Variants in USP32 observed in about 807,000 individuals in gnomAD.
USP32 encodes the protein ubiquitin carboxyl-terminal hydrolase 32.
A neutral mutation model predicts 204.8 loss-of-function variants in USP32; 59 were observed. That is an observed-to-expected ratio of 0.29 (90% CI 0.23 to 0.36). The LOEUF (loss-of-function observed/expected upper bound fraction) is 0.36. Ranked by LOEUF, USP32 falls within the 10% of genes least tolerant of loss-of-function variation. The probability of loss-of-function intolerance (pLI) is 1.00; values close to 1 mark genes in which losing one functional copy is unlikely to be tolerated. For synonymous variants in USP32, 517 were observed against 678.4 expected, an observed-to-expected ratio of 0.76 and a Z score of 3.70; for missense variants, 1,160 against 1,946.4, an observed-to-expected ratio of 0.60 and a Z score of 7.60.
At chr17:60,345,332 A>C in intron 2 of USP32, 149 bp downstream of exon 2, 1 of 1,095,820 alleles carries the variant, frequency 9.1e-7, no homozygotes, top group Non-Finnish European at 1.3e-6. Flanking sequence ...AGCCACGTTG[A>C]CATCTAAAAC....
intron 1 of USP32, among the ~76,000 whole-genome samples, chr17:60,370,264 A>G (rs1016592225): frequency 6.6e-6 from 1 of 152,132 alleles, no homozygotes; most frequent in African/African-American, 2.4e-5. Context: ...GATGACAACA[A>G]CAAAGGACAA....
At chr17:60,184,011 G>T (rs2084182562) in intron 30 of USP32, among the ~76,000 whole-genome samples, 1 of 152,054 alleles carries the variant, frequency 6.6e-6, no homozygotes, top group Non-Finnish European at 1.5e-5. Flanking sequence ...CGTCAGCCGG[G>T]CGCAGTGGCT....
chr17:60,236,033 A>G (rs895758613), intron 12 of USP32, 105 bp downstream of exon 12: 4 of 876,470 alleles, frequency 4.6e-6, no homozygotes, highest in Non-Finnish European at 3.8e-6. Flanking sequence ...TTTAAGTTGG[A>G]GCATTTTATT....
intron 1 of USP32, among the ~76,000 whole-genome samples, chr17:60,347,431 G>T (rs1364212941): frequency 3.3e-5 from 5 of 150,862 alleles, no homozygotes; most frequent in Non-Finnish European, 7.4e-5. Context: ...TCTGCTCACT[G>T]CAAGCTCCGC....
At chr17:60,198,206 A>C (rs1206928594) in intron 27 of USP32, 54 bp downstream of exon 27, 1 of 1,584,000 alleles carries the variant, frequency 6.3e-7, no homozygotes, top group Non-Finnish European at 8.6e-7. Context: ...ATTCATATAG[A>C]TTATTTTTCT....
chr17:60,392,062 C>T lies in USP32; in HGVS notation c.-123G>A, dbSNP rs555877680. 7.7e-6 allele frequency: 9 copies of T among 1,173,360 alleles called. No individual in the cohort carries two copies. In the African/African-American group the frequency reaches 7.8e-5, roughly 10 times the overall value. The allele number at this position is 1,173,360 out of a possible 1,614,324, so 72.7% of individuals were successfully genotyped here. On this transcript the variant is annotated 5_prime_UTR_variant, in exon 1 of 34. Coordinates refer to ENST00000300896, the MANE Select transcript of USP32 (RefSeq NM_032582.4). Reference sequence around the variant, plus strand: ...GGCGTCCCCCGCCCCCACCTCCCCCCACACTAACAAGTGCGGCTTCTGCCC... The same window carrying T: ...GGCGTCCCCCGCCCCCACCTCCCCCTACACTAACAAGTGCGGCTTCTGCCC...
chr17:60,417,148 C>T (rs1342456793), intron 1 of USP32, among the ~76,000 whole-genome samples: 1 of 151,928 alleles, frequency 6.6e-6, no homozygotes, highest in East Asian at 1.9e-4. Flanking sequence ...GAACTCCTGA[C>T]CTCAGGTGAT....
intron 16 of USP32, among the ~76,000 whole-genome samples, chr17:60,216,595 G>T (rs2085109662): frequency 6.6e-6 from 1 of 152,262 alleles, no homozygotes; most frequent in South Asian, 2.1e-4. Flanking sequence ...CCTAAGGCAG[G>T]CTAAAAAGTC....
intron 9 of USP32, among the ~76,000 whole-genome samples, chr17:60,261,269 A>G (rs1006969595): frequency 6.6e-6 from 1 of 152,242 alleles, no homozygotes; most frequent in East Asian, 1.9e-4. Context: ...ACAGTGAAAT[A>G]TGAAAATGTA....
chr17:60,267,862 G>C (rs1229022248), intron 7 of USP32, among the ~76,000 whole-genome samples: 1 of 151,662 alleles, frequency 6.6e-6, no homozygotes, highest in African/African-American at 2.4e-5. Flanking sequence ...CCAGGCTGGA[G>C]TGCAATGGCG....
chr17:60,345,415 C>G, intron 2 of USP32, 66 bp downstream of exon 2: 1 of 1,586,842 alleles, frequency 6.3e-7, no homozygotes, highest in Non-Finnish European at 8.6e-7. Flanking sequence ...CAGAAGGCCC[C>G]TCAGGAATTT....
intron 2 of USP32, among the ~76,000 whole-genome samples, chr17:60,319,097 T>C (rs1049994322): frequency 6.6e-6 from 1 of 152,142 alleles, no homozygotes; most frequent in African/African-American, 2.4e-5. Flanking sequence ...GGGGAAGGGG[T>C]TGGGAGCATT....
intron 1 of USP32, among the ~76,000 whole-genome samples, chr17:60,358,297 G>A (rs1258064389): frequency 1.3e-5 from 2 of 152,096 alleles, no homozygotes; most frequent in African/African-American, 4.8e-5. Flanking sequence ...AATCCAGGCT[G>A]GGCATGGTAC....
intron 12 of USP32, among the ~76,000 whole-genome samples, chr17:60,233,021 C>A (rs545433157): frequency 6.6e-6 from 1 of 152,106 alleles, no homozygotes; most frequent in Non-Finnish European, 1.5e-5. Flanking sequence ...TCTCATTGTT[C>A]ATATGTGAAA....
intron 2 of USP32, among the ~76,000 whole-genome samples, chr17:60,332,711 C>T (rs986062705): frequency 2.0e-5 from 3 of 152,172 alleles, no homozygotes; most frequent in Non-Finnish European, 2.9e-5. Context: ...GCACCAATAT[C>T]GGCACCCAGT....
At chr17:60,236,966 T>C (rs771961356) in intron 11 of USP32, among the ~76,000 whole-genome samples, 7 of 152,196 alleles carry the variant, frequency 4.6e-5, no homozygotes, top group Non-Finnish European at 5.9e-5. Context: ...TATGTATATA[T>C]TACATTTTGT....
Position 60,392,050 on chromosome 17 carries a change from C to A in USP32, c.-111G>T. 6 of 1,241,112 alleles carry A rather than the reference C, an allele frequency of 4.8e-6. No individual in the cohort carries two copies. Among genetic ancestry groups the A allele is most frequent in the Non-Finnish European group, 6.7e-6 (6 of 895,184 alleles). The allele number at this position is 1,241,112 out of a possible 1,614,324, so 76.9% of individuals were successfully genotyped here. A position where few individuals can be genotyped will look rare whatever the true frequency, so the allele number is the denominator to read the frequency against. ...GGTGACGGTGTCGGCGTCCCCCGCC[C>A]CCACCTCCCCCCACACTAACAAGTG... On this transcript the variant is annotated 5_prime_UTR_variant, in exon 1 of 34. Transcript: ENST00000300896.
At chr17:60,297,282 C>T (rs1055012180) in intron 3 of USP32, among the ~76,000 whole-genome samples, 15 of 151,912 alleles carry the variant, frequency 9.9e-5, no homozygotes, top group Non-Finnish European at 1.9e-4. Context: ...GCCTCTAGTC[C>T]CAGCTACTCA....
intron 4 of USP32, among the ~76,000 whole-genome samples, chr17:60,293,639 C>T (rs1461238486): frequency 1.3e-5 from 2 of 152,176 alleles, no homozygotes; most frequent in Admixed American, 6.5e-5. Flanking sequence ...GTGCTATCAA[C>T]ACAGGAGATA....
Sources: allele counts gnomAD v4.1 joint callset (sites outside exome capture counted in the v4.1 genomes callset), GRCh38; gene constraint gnomAD v4.1.1; transcripts MANE v1.5; gene names NCBI Gene and HGNC (gene_info 2026-07-23, HGNC 2026-07-21).